NCALD: variants seen among roughly 807,000 people sequenced by gnomAD.
NCALD encodes neurocalcin delta, also known as neurocalcin-delta.
A neutral mutation model predicts 18.6 loss-of-function variants in NCALD; 10 were observed. The observed-to-expected ratio is 0.54, with a 90% CI of 0.33 to 0.91. The LOEUF is 0.91. Among genes scored for constraint, NCALD ranks in the 40% least tolerant of loss-of-function variants. The pLI is 0.03. For missense variants in NCALD, 184 were observed against 247.6 expected (o/e 0.74, Z 1.72); for synonymous variants, 88 against 87.4 (o/e 1.01, Z -0.04).
chr8:101,921,772 A>C (rs1014818877), intron 2 of NCALD, among the ~76,000 whole-genome samples: 48 of 152,328 alleles, frequency 3.2e-4, no homozygotes, highest in Non-Finnish European at 4.4e-4. Context: ...CCTTACTTAT[A>C]ATAACCTGTA....
intron 1 of NCALD, among the ~76,000 whole-genome samples, chr8:101,746,497 C>G (rs180862014): frequency 5.3e-5 from 8 of 152,224 alleles, no homozygotes; most frequent in Admixed American, 5.2e-4. Context: ...TCACTTCAGC[C>G]TCTTCAGGAT....
intron 1 of NCALD, among the ~76,000 whole-genome samples, chr8:102,048,584 A>G (rs1823327387): frequency 1.3e-5 from 2 of 152,236 alleles, no homozygotes; most frequent in Admixed American, 1.3e-4. Flanking sequence ...AAATATCTAT[A>G]GGGGAGAACT....
At chr8:101,893,381 A>C (rs1816997774) in intron 3 of NCALD, among the ~76,000 whole-genome samples, 3 of 149,980 alleles carry the variant, frequency 2.0e-5, no homozygotes, top group Admixed American at 6.6e-5. Context: ...CATGGAAAGG[A>C]ACAACCAGTA....
intron 1 of NCALD, among the ~76,000 whole-genome samples, chr8:101,759,404 G>A (rs927910110): frequency 1.3e-5 from 2 of 152,138 alleles, no homozygotes; most frequent in African/African-American, 4.8e-5. Context: ...GGGAAGAGGA[G>A]GAGGAGGAAA....
intron 4 of NCALD, among the ~76,000 whole-genome samples, chr8:101,879,719 T>C (rs943940671): frequency 2.0e-5 from 3 of 152,184 alleles, no homozygotes; most frequent in Non-Finnish European, 4.4e-5. Context: ...AGGGTGCTGA[T>C]TGGTGCATTT....
At chr8:101,851,430 C>T (rs1312604521) in intron 4 of NCALD, among the ~76,000 whole-genome samples, 1 of 151,872 alleles carries the variant, frequency 6.6e-6, no homozygotes, top group African/African-American at 2.4e-5. Context: ...GCATTGTCAC[C>T]CACAGCTCTC....
At chr8:101,704,094 C>G (rs745442191) in intron 2 of NCALD, among the ~76,000 whole-genome samples, 3 of 152,278 alleles carry the variant, frequency 2.0e-5, no homozygotes, top group South Asian at 4.2e-4. Flanking sequence ...GTGCTGCTCT[C>G]GTGTCAGCTA....
intron 1 of NCALD, among the ~76,000 whole-genome samples, chr8:102,054,736 G>GATAC (rs1823586435): frequency 6.6e-6 from 1 of 151,812 alleles, no homozygotes; most frequent in Admixed American, 6.6e-5. Flanking sequence ...TAGATAGATA[G>GATAC]ATAGATCTAT....
At chr8:101,889,576 G>C (rs1325205497) in intron 3 of NCALD, among the ~76,000 whole-genome samples, 1 of 152,194 alleles carries the variant, frequency 6.6e-6, no homozygotes, top group African/African-American at 2.4e-5. Context: ...CTCAAATGGT[G>C]AGAGGAGATT....
At chr8:102,107,219 T>TATATATATATAC (rs1825491824) in intron 1 of NCALD, among the ~76,000 whole-genome samples, 5 of 127,356 alleles carry the variant, frequency 3.9e-5, no homozygotes, top group African/African-American at 1.8e-4. Flanking sequence ...TATATATATA[T>TATATATATATAC]ATATATATAT....
intron 1 of NCALD, among the ~76,000 whole-genome samples, chr8:102,027,248 T>C (rs1345349898): frequency 6.6e-6 from 1 of 152,258 alleles, no homozygotes; most frequent in Admixed American, 6.5e-5. Context: ...ATAGTTCTTT[T>C]CTATTGCAGC....
intron 1 of NCALD, among the ~76,000 whole-genome samples, chr8:102,047,136 A>C (rs931757418): frequency 6.8e-6 from 1 of 147,680 alleles, no homozygotes; most frequent in Non-Finnish European, 1.5e-5. Context: ...TTCCTGCAAA[A>C]GACATGATCT....
intron 2 of NCALD, among the ~76,000 whole-genome samples, chr8:101,979,825 C>T (rs990794423): frequency 2.0e-5 from 3 of 152,198 alleles, no homozygotes; most frequent in Non-Finnish European, 2.9e-5. Context: ...CTGCAAGCCT[C>T]GGTCATTCTG....
chr8:101,741,045 T>G (rs1586365427), intron 1 of NCALD, among the ~76,000 whole-genome samples: 1 of 152,350 alleles, frequency 6.6e-6, no homozygotes. Flanking sequence ...CAAAATAGCT[T>G]GTAGTATTTT....
intron 2 of NCALD, among the ~76,000 whole-genome samples, chr8:101,699,351 G>A (rs1157876100): frequency 6.6e-6 from 1 of 152,312 alleles, no homozygotes; most frequent in East Asian, 1.9e-4. Context: ...AAGACAGTGT[G>A]GCGATTCCTC....
intron 1 of NCALD, among the ~76,000 whole-genome samples, chr8:101,744,591 T>C (rs1224528133): frequency 1.3e-5 from 2 of 152,146 alleles, no homozygotes; most frequent in Non-Finnish European, 2.9e-5. Flanking sequence ...AGAGATCCAG[T>C]TTCACTTCTA....
At chr8:101,738,590 A>G (rs1424559805) in intron 1 of NCALD, among the ~76,000 whole-genome samples, 1 of 152,020 alleles carries the variant, frequency 6.6e-6, no homozygotes, top group Admixed American at 6.5e-5. Context: ...AAGAAGAAAA[A>G]AAGAAAATAT....
intron 1 of NCALD, among the ~76,000 whole-genome samples, chr8:101,769,546 G>A (rs1181210510): frequency 6.6e-6 from 1 of 151,960 alleles, no homozygotes; most frequent in East Asian, 1.9e-4. Context: ...TTGATTCACT[G>A]ACCCACAGCT....
intron 1 of NCALD, among the ~76,000 whole-genome samples, chr8:101,736,458 A>G (rs1279810314): frequency 6.6e-6 from 1 of 152,206 alleles, no homozygotes. Context: ...GCTAAAAAGT[A>G]TATATATTCC....
Sources: allele counts gnomAD v4.1 joint callset (sites outside exome capture counted in the v4.1 genomes callset), GRCh38; gene constraint gnomAD v4.1.1; transcripts MANE v1.5; gene names NCBI Gene and HGNC (gene_info 2026-07-23, HGNC 2026-07-21).